RYR2: variants seen among roughly 807,000 people sequenced by gnomAD.
The protein encoded by RYR2 is cardiac muscle ryanodine receptor-calcium release channel.
In RYR2, 227 loss-of-function variants were observed where a neutral mutation model predicts 601.1. The ratio of observed to expected loss-of-function variants is 0.38; its 90% CI spans 0.34 to 0.42. The LOEUF (loss-of-function observed/expected upper bound fraction) is 0.42, where lower values mean the gene tolerates loss of function less well. Ranked by LOEUF, RYR2 falls within the 10% of genes least tolerant of loss-of-function variation. The probability of loss-of-function intolerance (pLI) is 1.00; values close to 1 mark genes in which losing one functional copy is unlikely to be tolerated. For synonymous variants in RYR2, 2,223 were observed against 2,175.1 expected, an observed-to-expected ratio of 1.02 and a Z score of -0.61; for missense variants, 4,646 against 6,156.5, an observed-to-expected ratio of 0.75 and a Z score of 8.21.
intron 10 of RYR2, among the ~76,000 whole-genome samples, chr1:237,393,237 G>C (rs182064903): frequency 1.3e-5 from 2 of 152,248 alleles, no homozygotes; most frequent in Admixed American, 1.3e-4. Context: ...GGCCAATTAA[G>C]TCATAGTTTC....
In RYR2 at chr1:237,385,693, C is replaced by T. The variant is rs138904833; in HGVS notation, c.577-1588C>T. Reference sequence around the variant, plus strand: ...ATTTGTATGTGTGTGTGCCTGTGCACGTGCTTTTTTTTACACTAGGTTATT... The same window carrying T: ...ATTTGTATGTGTGTGTGCCTGTGCATGTGCTTTTTTTTACACTAGGTTATT... On this transcript the variant is annotated intron_variant, in intron 8 of 104. Transcript: ENST00000366574. 7.7e-3 allele frequency among the ~76,000 whole-genome samples: 1,173 copies of T among 152,260 alleles called. 17 individuals carry two copies. Among genetic ancestry groups the T allele is most frequent in the African/African-American group, 0.027 (1,120 of 41,550 alleles).
At chr1:237,673,319 T>A (rs1211968285) in intron 58 of RYR2, among the ~76,000 whole-genome samples, 2 of 152,186 alleles carry the variant, frequency 1.3e-5, no homozygotes, top group Non-Finnish European at 2.9e-5. Flanking sequence ...CAGTTTAATT[T>A]TTTTATAATT....
At chr1:237,607,273 A>G (rs1041333004) in intron 35 of RYR2, among the ~76,000 whole-genome samples, 1 of 152,160 alleles carries the variant, frequency 6.6e-6, no homozygotes, top group African/African-American at 2.4e-5. Context: ...TGTCCTTTGT[A>G]GGGACATGGA....
At chr1:237,669,004 C>T (rs557129032) in intron 58 of RYR2, among the ~76,000 whole-genome samples, 3 of 151,570 alleles carry the variant, frequency 2.0e-5, no homozygotes, top group African/African-American at 7.2e-5. Flanking sequence ...TCTGGTTTTC[C>T]TAGGCAGAGG....
chr1:237,523,544 G>A (rs867782377), intron 24 of RYR2, among the ~76,000 whole-genome samples: 1 of 152,110 alleles, frequency 6.6e-6, no homozygotes, highest in Middle Eastern at 3.2e-3. Context: ...AAACCAGCCT[G>A]GCCAACATGG....
intron 62 of RYR2, 58 bp from the exon 63 acceptor site, chr1:237,687,391 CCCCTGT>C: frequency 2.5e-6 from 1 of 397,498 alleles, no homozygotes; most frequent in Non-Finnish European, 4.3e-6. Flanking sequence ...TTTTAATTTC[CCCCTGT>C]CTTTTCTACC....
intron 6 of RYR2, among the ~76,000 whole-genome samples, chr1:237,372,173 A>T (rs968996102): frequency 6.6e-6 from 1 of 152,270 alleles, no homozygotes; most frequent in Non-Finnish European, 1.5e-5. Flanking sequence ...TCAAAAGTAT[A>T]GGATGAGAAG....
intron 56 of RYR2, among the ~76,000 whole-genome samples, chr1:237,662,160 A>G (rs975763506): frequency 3.3e-5 from 5 of 152,164 alleles, no homozygotes; most frequent in African/African-American, 1.2e-4. Context: ...TTAATTTTAA[A>G]TAAATTGAGT....
intron 1 of RYR2, among the ~76,000 whole-genome samples, chr1:237,114,070 G>A (rs1191481329): frequency 6.6e-6 from 1 of 152,134 alleles, no homozygotes; most frequent in African/African-American, 2.4e-5. Flanking sequence ...TTCATTTCGT[G>A]AAAATATAGA....
At chr1:237,320,263 C>A (rs748009903) in intron 2 of RYR2, among the ~76,000 whole-genome samples, 1 of 151,870 alleles carries the variant, frequency 6.6e-6, no homozygotes, top group Admixed American at 6.6e-5. Context: ...AAAAATGCAG[C>A]GTATAAATAT....
intron 1 of RYR2, among the ~76,000 whole-genome samples, chr1:237,123,760 C>A (rs955798722): frequency 3.4e-5 from 5 of 148,134 alleles, no homozygotes; most frequent in Non-Finnish European, 7.4e-5. Context: ...CTCCGCTTCC[C>A]GGGTTCACGC....
intron 3 of RYR2, among the ~76,000 whole-genome samples, chr1:237,351,854 C>CAAAAAAAAAAA (rs33955032): frequency 1.2e-4 from 5 of 40,940 alleles, no homozygotes; most frequent in South Asian, 1.6e-3. Flanking sequence ...AAAGACCATG[C>CAAAAAAAAAAA]AAAAAAAAAA....
At chr1:237,501,023 C>G in intron 21 of RYR2, 120 bp downstream of exon 21, 1 of 959,452 alleles carries the variant, frequency 1.0e-6, no homozygotes, top group Non-Finnish European at 1.6e-6. Context: ...GGGCACCTGT[C>G]CTCTGCGCAT....
intron 25 of RYR2, among the ~76,000 whole-genome samples, chr1:237,538,394 CAAAAAAAAAAAAAAAAA>C (rs10551995): frequency 1.2e-4 from 4 of 32,896 alleles, no homozygotes; most frequent in Middle Eastern, 0.038. Flanking sequence ...GACTCTGTCT[CAAAAAAAAAAAAAAAAA>C]AAAAAAAAAA....
In RYR2 at chr1:237,516,764, A is replaced by T. The variant is rs976995390; in HGVS notation, c.2822+4973A>T. On this transcript the variant is annotated intron_variant, in intron 24 of 104. Transcript: ENST00000366574. ...GCCAGGAACCTGGGAATCACCTTTG[A>T]CTCTTCCCTTTGTTTCATTCCTACT... Among the ~76,000 whole-genome samples, 35 of 151,470 alleles carry T rather than the reference A, an allele frequency of 2.3e-4. 1 individual carries two copies. The highest frequency in any genetic ancestry group is 7.3e-4 in the African/African-American group (30 of 41,194).
Position 237,732,089 on chromosome 1 carries a change from G to A in RYR2, c.10979G>A (p.Arg3660Lys). 8 of 1,611,908 alleles carry A rather than the reference G, an allele frequency of 5.0e-6. No homozygotes were observed. Among genetic ancestry groups the A allele is most frequent in the Non-Finnish European group, 6.8e-6 (8 of 1,178,510 alleles). Reference protein sequence around the residue: ...EPPEEDEGTKRVDPLHQLILL... With the variant: ...EPPEEDEGTKKVDPLHQLILL... ...CCAGAAGAAGATGAAGGCACTAAGAGAGTTGATCCTCTACATCAGCTGATC... is the reference window on the plus strand; with the variant it reads ...CCAGAAGAAGATGAAGGCACTAAGAAAGTTGATCCTCTACATCAGCTGATC... The change falls in exon 78 of 105, where the codon AGA becomes AAA. Residue 3660 changes from arginine (R) to lysine (K), a missense_variant. Arg to Lys is a conservative substitution (Grantham distance 26, BLOSUM62 2). This residue lies in a region of RYR2 where 1,497 missense variants were observed against 1,842.6 expected (regional missense o/e 0.81). Coordinates refer to ENST00000366574, the MANE Select transcript of RYR2 (RefSeq NM_001035.3).
intron 1 of RYR2, among the ~76,000 whole-genome samples, chr1:237,228,605 A>G (rs540011776): frequency 2.6e-5 from 4 of 152,200 alleles, no homozygotes; most frequent in Non-Finnish European, 5.9e-5. Context: ...TACATGTGAT[A>G]AACAACATAG....
chr1:237,554,338 A>G (rs7521789), intron 27 of RYR2, among the ~76,000 whole-genome samples: 4,122 of 151,650 alleles, frequency 0.027, 114 homozygotes, highest in African/African-American at 0.068. Context: ...TTCTAGGATA[A>G]CTCTCTTCAG....
Position 237,787,431 on chromosome 1 carries a change from T to C in RYR2, c.13329-557T>C, listed in dbSNP as rs972232912. On this transcript the variant is annotated intron_variant, in intron 91 of 104. Transcript: ENST00000366574. ...GGCGAAACCCCATCTCTACTAAAAA[T>C]GTAAAAAAAAGTTAGCTGGGCATGG... Among the ~76,000 whole-genome samples, 4 of 151,016 alleles carry C rather than the reference T, an allele frequency of 2.6e-5. No homozygotes were observed. In the South Asian group the frequency reaches 6.3e-4, roughly 24 times the overall value.
Sources: allele counts gnomAD v4.1 joint callset (sites outside exome capture counted in the v4.1 genomes callset), GRCh38; gene constraint gnomAD v4.1.1; regional missense constraint gnomAD v4.1.1; transcripts MANE v1.5; gene names NCBI Gene and HGNC (gene_info 2026-07-23, HGNC 2026-07-21).